TRIP12: variants seen among roughly 807,000 people sequenced by gnomAD.
TRIP12 encodes the protein E3 ubiquitin-protein ligase TRIP12.
A neutral mutation model predicts 244.2 loss-of-function variants in TRIP12; 25 were observed. That is an observed-to-expected ratio of 0.10 (90% CI 0.07 to 0.14). TRIP12 has a LOEUF of 0.14. Among genes scored for constraint, TRIP12 ranks in the 10% least tolerant of loss-of-function variants. The pLI, the probability that TRIP12 is intolerant of heterozygous loss-of-function variation, is 1.00. For synonymous variants in TRIP12, 905 were observed against 873.1 expected (o/e 1.04, Z -0.64); for missense variants, 1,677 against 2,486.4 (o/e 0.67, Z 6.92).
intron 8 of TRIP12, among the ~76,000 whole-genome samples, chr2:229,823,116 CA>C (rs2050517992): frequency 6.6e-6 from 1 of 151,974 alleles, no homozygotes; most frequent in Non-Finnish European, 1.5e-5. Flanking sequence ...TGATACTCTC[CA>C]AAAGGAAAGG....
chr2:229,834,130 C>T (rs939385043), intron 6 of TRIP12, among the ~76,000 whole-genome samples: 6 of 152,208 alleles, frequency 3.9e-5, no homozygotes, highest in African/African-American at 1.4e-4. Context: ...CTTAGCCTAT[C>T]TTCACAGTAC....
At chr2:229,853,471 C>G (rs1056764168) in intron 4 of TRIP12, among the ~76,000 whole-genome samples, 1 of 152,060 alleles carries the variant, frequency 6.6e-6, no homozygotes, top group African/African-American at 2.4e-5. Flanking sequence ...ACCAGCCTGG[C>G]CAACATGGCA....
At chr2:229,843,309 A>G (rs954808682) in intron 4 of TRIP12, among the ~76,000 whole-genome samples, 5 of 152,204 alleles carry the variant, frequency 3.3e-5, no homozygotes, top group African/African-American at 1.2e-4. Context: ...GTATAAGTAT[A>G]TATGCCCTTG....
At chr2:229,882,543 A>T (rs1261552760) in intron 1 of TRIP12, among the ~76,000 whole-genome samples, 2 of 152,144 alleles carry the variant, frequency 1.3e-5, no homozygotes, top group Non-Finnish European at 2.9e-5. Context: ...AAAGAATAAA[A>T]GGCCAGTCTT....
At chr2:229,840,029 G>C (rs184161307) in intron 5 of TRIP12, among the ~76,000 whole-genome samples, 1 of 152,240 alleles carries the variant, frequency 6.6e-6, no homozygotes, top group East Asian at 1.9e-4. Context: ...ATTAAACTTA[G>C]CAACTAGTTC....
Position 229,859,170 on chromosome 2 carries a change from G to C in TRIP12, c.629C>G (p.Ala210Gly). The C allele has an allele frequency of 6.2e-7, 1 of 1,614,124 alleles. No individual in the cohort carries two copies. Among genetic ancestry groups the C allele is most frequent in the South Asian group, 1.1e-5 (1 of 91,086 alleles). Residue 210 changes from alanine to glycine, a missense_variant, in exon 4 of 42, where the codon GCA (alanine) becomes GGA (glycine). This residue lies in a region of TRIP12 where 387 missense variants were observed against 392.6 expected (regional missense o/e 0.99). Coordinates refer to ENST00000675903, the MANE Select transcript of TRIP12 (RefSeq NM_001348323.3). ...GGTAGGTTTCGCAGATCTCTCTTCTGCACCAGTTGATTCAGACCCGGAGCC... is the reference window on the plus strand; with the variant it reads ...GGTAGGTTTCGCAGATCTCTCTTCTCCACCAGTTGATTCAGACCCGGAGCC... ...KSGSGSESTGAEERSAKPTKL... is the reference protein window; with the variant it reads ...KSGSGSESTGGEERSAKPTKL...
intron 25 of TRIP12, 65 bp downstream of exon 25, chr2:229,796,526 T>C: frequency 7.4e-7 from 1 of 1,355,466 alleles, no homozygotes; most frequent in Non-Finnish European, 9.8e-7. Flanking sequence ...ATTACTGAGA[T>C]GAAAATATAT....
intron 5 of TRIP12, among the ~76,000 whole-genome samples, chr2:229,839,616 T>C (rs565861512): frequency 1.3e-5 from 2 of 151,964 alleles, no homozygotes; most frequent in Admixed American, 6.5e-5. Flanking sequence ...GAGGCAGAGT[T>C]TGCAGTGAGC....
chr2:229,844,226 T>C (rs924781885), intron 4 of TRIP12, among the ~76,000 whole-genome samples: 42 of 152,308 alleles, frequency 2.8e-4, no homozygotes, highest in African/African-American at 9.1e-4. Flanking sequence ...ACTTGAAATT[T>C]TATAAATTTT....
rs915625337 is a variant in TRIP12, at chr2:229,778,842, A to G, written c.5209+34T>C. On this transcript the variant is annotated intron_variant, in intron 35 of 41. Transcript: ENST00000675903. The surrounding 1 kb of genome is among the most constrained non-coding windows in gnomAD (Gnocchi z 4.1). ...TCAGAGTCCATTACCTGATCTGAGT[A>G]ACACAAACCAACTAACTTACAGATA... The G allele has an allele frequency of 6.3e-7, 1 of 1,584,736 alleles. No individual in the cohort carries two copies. Among genetic ancestry groups the G allele is most frequent in the African/African-American group, 1.3e-5 (1 of 74,310 alleles).
rs1575631628 is a variant in TRIP12 at position 229,831,073 on chromosome 2, T to C, written c.1271-234A>G. ...GTTGTATTTTTATGCTTGTTTTTCA[T>C]TTATATGTGGCTTTTGACAAATTTC... is the stretch of plus-strand genomic sequence containing the variant. On this transcript the variant is annotated intron_variant, in intron 6 of 41. Coordinates refer to ENST00000675903, the MANE Select transcript of TRIP12 (RefSeq NM_001348323.3). The C allele has an allele frequency of 7.1e-6, 5 of 699,330 alleles. No homozygotes were observed. The East Asian group carries it at 1.3e-4, about 19-fold the overall frequency. 43.3% of individuals were successfully genotyped at this position (699,330 alleles called of 1,614,324 possible).
intron 17 of TRIP12, among the ~76,000 whole-genome samples, chr2:229,806,807 G>C (rs191036600): frequency 2.7e-4 from 41 of 152,214 alleles, no homozygotes; most frequent in South Asian, 6.2e-4. Flanking sequence ...TTCATTTTTA[G>C]AAACGAACTA....
intron 26 of TRIP12, among the ~76,000 whole-genome samples, chr2:229,793,633 G>T (rs950984144): frequency 1.3e-5 from 2 of 152,108 alleles, no homozygotes; most frequent in Non-Finnish European, 2.9e-5. Context: ...TGAACGAAGC[G>T]GTTTAATAGC....
chr2:229,922,588 G>T, upstream of TRIP12: 1 of 1,614,096 alleles, frequency 6.2e-7, no homozygotes, highest in South Asian at 1.1e-5. Context: ...ACTATTACCA[G>T]TTACTGGTCA....
intron 4 of TRIP12, among the ~76,000 whole-genome samples, 178 bp downstream of exon 4, chr2:229,858,594 A>G (rs1016629448): frequency 2.6e-5 from 4 of 152,210 alleles, no homozygotes; most frequent in African/African-American, 9.6e-5. Flanking sequence ...TGTCTCAACA[A>G]AACTAAATGT....
chr2:229,834,066 C>A (rs909963722), intron 6 of TRIP12, among the ~76,000 whole-genome samples: 1 of 152,226 alleles, frequency 6.6e-6, no homozygotes, highest in African/African-American at 2.4e-5. Context: ...AAAAATGTGA[C>A]TATCAGTAGA....
chr2:229,771,749 T>A, intron 38 of TRIP12, 117 bp from the exon 39 acceptor site: 1 of 649,518 alleles, frequency 1.5e-6, no homozygotes, highest in Non-Finnish European at 2.6e-6. Flanking sequence ...AACAAACAAG[T>A]TATTAAGACT....
intron 21 of TRIP12, among the ~76,000 whole-genome samples, chr2:229,800,345 T>A (rs1030941976): frequency 6.6e-6 from 1 of 152,126 alleles, no homozygotes; most frequent in South Asian, 2.1e-4. Context: ...CTAACGACAG[T>A]AGAAATAGTT....
chr2:229,921,367 T>C (rs2076519723), intron 1 of TRIP12: 1 of 152,792 alleles, frequency 6.5e-6, no homozygotes, highest in Non-Finnish European at 1.5e-5. Flanking sequence ...TTCCGGGCCG[T>C]CCACGGCCCC....
Sources: allele counts gnomAD v4.1 joint callset (sites outside exome capture counted in the v4.1 genomes callset), GRCh38; gene constraint gnomAD v4.1.1; regional missense constraint gnomAD v4.1.1; non-coding constraint Gnocchi (gnomAD v3.1); transcripts MANE v1.5; gene names NCBI Gene and HGNC (gene_info 2026-07-23, HGNC 2026-07-21).